CD244: variants seen among roughly 807,000 people sequenced by gnomAD.
CD244 encodes the protein natural killer cell receptor 2B4.
Under a neutral mutation model 45.5 loss-of-function variants are expected in CD244, and 20 were observed. That is an observed-to-expected ratio of 0.44 (90% CI 0.31 to 0.64). The LOEUF (loss-of-function observed/expected upper bound fraction) is 0.64. Ranked by LOEUF, CD244 falls within the 30% of genes least tolerant of loss-of-function variation. The probability of loss-of-function intolerance (pLI) is 0.08; values close to 1 mark genes in which losing one functional copy is unlikely to be tolerated. For missense variants in CD244, 407 were observed against 426.9 expected, an observed-to-expected ratio of 0.95 and a Z score of 0.41; for synonymous variants, 185 against 160.5, an observed-to-expected ratio of 1.15 and a Z score of -1.15.
rs115836315 is a variant in CD244, at chr1:160,859,318, C to T, written c.61+3299G>A. ...ACAAAGAGGAGTGGGTCTTGGACGC[C>T]AGGTCACGCACCATTGTAAAATGCA... On this transcript the variant is annotated intron_variant, in intron 1 of 8. Transcript: ENST00000368034. 2.7e-3 allele frequency among the ~76,000 whole-genome samples: 409 copies of T among 152,220 alleles called. 4 individuals carry two copies. Among genetic ancestry groups the T allele is most frequent in the African/African-American group, 9.4e-3 (391 of 41,522 alleles).
At chr1:160,846,833 A>G (rs946461940) in intron 1 of CD244, among the ~76,000 whole-genome samples, 2 of 152,228 alleles carry the variant, frequency 1.3e-5, no homozygotes, top group African/African-American at 4.8e-5. Context: ...AAAACAATAG[A>G]AACAGATGTA....
intron 6 of CD244, 29 bp downstream of exon 6, chr1:160,836,166 G>A: frequency 6.4e-7 from 1 of 1,568,214 alleles, no homozygotes. Context: ...AGATAGGTAT[G>A]GAATGGACTA....
intron 1 of CD244, among the ~76,000 whole-genome samples, chr1:160,856,600 T>C (rs1185281627): frequency 2.6e-5 from 4 of 152,232 alleles, no homozygotes; most frequent in Admixed American, 2.0e-4. Context: ...GTATCTTGCC[T>C]GTTAATGACA....
chr1:160,833,341 T>TCCACAGTTGTGTGGACTC, intron 7 of CD244, among the ~76,000 whole-genome samples: 1 of 152,222 alleles, frequency 6.6e-6, no homozygotes, highest in African/African-American at 2.4e-5. Flanking sequence ...TGCATGGACT[T>TCCACAGTTGTGTGGACTC]CCACAGTTGT....
chr1:160,839,381 G>A (rs781364059), intron 3 of CD244, among the ~76,000 whole-genome samples: 7 of 152,092 alleles, frequency 4.6e-5, no homozygotes, highest in Non-Finnish European at 8.8e-5. Flanking sequence ...CCTGTAAAAG[G>A]GGATAACGTT....
intron 1 of CD244, 78 bp downstream of exon 1, chr1:160,862,539 G>A (rs1247917426): frequency 3.8e-6 from 5 of 1,306,738 alleles, no homozygotes; most frequent in Non-Finnish European, 5.5e-6. Flanking sequence ...GGCACAAGCA[G>A]AGGCTCTGGC....
chr1:160,856,632 T>TA (rs1670115008), intron 1 of CD244, among the ~76,000 whole-genome samples: 2 of 152,208 alleles, frequency 1.3e-5, no homozygotes, highest in Non-Finnish European at 2.9e-5. Flanking sequence ...CATCTTCCCT[T>TA]ATAGTTGTAA....
At chr1:160,836,856 C>T (rs1669352426) in intron 5 of CD244, among the ~76,000 whole-genome samples, 1 of 152,156 alleles carries the variant, frequency 6.6e-6, no homozygotes, top group Non-Finnish European at 1.5e-5. Context: ...TTGGGTTCTA[C>T]TGGGAGCCAG....
chr1:160,841,113 A>G, intron 3 of CD244, 97 bp downstream of exon 3: 1 of 1,246,388 alleles, frequency 8.0e-7, no homozygotes, highest in Non-Finnish European at 1.1e-6. Context: ...AGAGGAGGCC[A>G]AGGGATTTTA....
At chr1:160,854,743 G>T (rs1252565335) in intron 1 of CD244, among the ~76,000 whole-genome samples, 1 of 152,004 alleles carries the variant, frequency 6.6e-6, no homozygotes, top group Non-Finnish European at 1.5e-5. Context: ...ATGCTATACT[G>T]CCTTTGGGGT....
At chr1:160,837,514 A>G (rs75473261) in intron 5 of CD244, among the ~76,000 whole-genome samples, 3,373 of 152,320 alleles carry the variant, frequency 0.022, 113 homozygotes, top group African/African-American at 0.074. Context: ...AAATAAAAAA[A>G]CAGGCATGGG....
chr1:160,854,380 C>CTTTG (rs369094816), intron 1 of CD244, among the ~76,000 whole-genome samples: 76 of 151,990 alleles, frequency 5.0e-4, no homozygotes, highest in African/African-American at 1.7e-3. Context: ...GTCTAGACTT[C>CTTTG]TTTGTTTGTT....
At chr1:160,840,435 G>T (rs1208501147) in intron 3 of CD244, among the ~76,000 whole-genome samples, 1 of 150,898 alleles carries the variant, frequency 6.6e-6, no homozygotes, top group Non-Finnish European at 1.5e-5. Context: ...CTAATTTTTT[G>T]TATTTTTAGT....
chr1:160,834,149 G>T, intron 6 of CD244, 33 bp from the exon 7 acceptor site: 1 of 1,443,756 alleles, frequency 6.9e-7, no homozygotes, highest in Non-Finnish European at 9.8e-7. Context: ...CATTTCAGAA[G>T]CACAGATCCA....
Position 160,831,180 on chromosome 1 carries a change from T to A in CD244, c.*167A>T, listed in dbSNP as rs536095494. The A allele has an allele frequency of 1.6e-6, 1 of 609,568 alleles. No individual in the cohort carries two copies. Among genetic ancestry groups the A allele is most frequent in the East Asian group, 2.6e-5 (1 of 37,762 alleles). The allele number at this position is 609,568 out of a possible 1,614,324, so 37.8% of individuals were successfully genotyped here. On this transcript the variant is annotated 3_prime_UTR_variant, in exon 9 of 9. Coordinates refer to ENST00000368034, the MANE Select transcript of CD244 (RefSeq NM_016382.4). The stretch of plus-strand genomic sequence containing the variant: ...ATATTATTTAACAGCCTTGCTCTTA[T>A]CATGGTTGTTAGACATCATTTTCAA...
At chr1:160,846,160 A>G (rs1023292382) in intron 1 of CD244, among the ~76,000 whole-genome samples, 1 of 152,172 alleles carries the variant, frequency 6.6e-6, no homozygotes, top group Admixed American at 6.5e-5. Flanking sequence ...TCACCCGAGC[A>G]GTATACACTG....
chr1:160,857,445 A>C (rs1004267649), intron 1 of CD244, among the ~76,000 whole-genome samples: 1 of 152,262 alleles, frequency 6.6e-6, no homozygotes, highest in African/African-American at 2.4e-5. Context: ...GCGATAAAAT[A>C]CTATACAGCC....
chr1:160,852,561 A>G (rs1029717173), intron 1 of CD244, among the ~76,000 whole-genome samples: 3 of 152,156 alleles, frequency 2.0e-5, no homozygotes, highest in African/African-American at 7.2e-5. Flanking sequence ...AAATAAATGT[A>G]AATAAATAAA....
chr1:160,851,789 C>T (rs766116471), intron 1 of CD244, among the ~76,000 whole-genome samples: 13 of 152,132 alleles, frequency 8.5e-5, no homozygotes, highest in Non-Finnish European at 1.9e-4. Flanking sequence ...GTGATCCACC[C>T]GCCTTGGCCT....
Sources: allele counts gnomAD v4.1 joint callset (sites outside exome capture counted in the v4.1 genomes callset), GRCh38; gene constraint gnomAD v4.1.1; transcripts MANE v1.5; gene names NCBI Gene and HGNC (gene_info 2026-07-23, HGNC 2026-07-21).